CFAP92: variants seen among roughly 807,000 people sequenced by gnomAD.
The protein encoded by CFAP92 is cilia and flagella associated protein 92 (putative).
CFAP92 carries 86 observed loss-of-function variants against 106.3 expected under a neutral mutation model. The observed-to-expected ratio is 0.81, with a 90% CI of 0.68 to 0.97. The LOEUF (loss-of-function observed/expected upper bound fraction) is 0.97. Among genes scored for constraint, CFAP92 ranks in the 50% least tolerant of loss-of-function variants. CFAP92 has a pLI of 0.00. For synonymous variants in CFAP92, 477 were observed against 506.4 expected (o/e 0.94, Z 0.78); for missense variants, 1,204 against 1,283.8 (o/e 0.94, Z 0.95).
intron 9 of CFAP92, among the ~76,000 whole-genome samples, chr3:128,962,782 C>T (rs1018409920): frequency 6.6e-6 from 1 of 152,142 alleles, no homozygotes; most frequent in Non-Finnish European, 1.5e-5. Context: ...CTCTCCTTAC[C>T]ATTCCCCCAT....
At chr3:129,012,646 C>T in the CFAP92 span, among the ~76,000 whole-genome samples, 12 of 152,294 alleles carry the variant, frequency 7.9e-5, no homozygotes, top group South Asian at 1.5e-3. Context: ...CCTGTTGGCC[C>T]GGACCAGGGC....
At chr3:128,988,555 G>C (rs1944007592) in intron 3 of CFAP92, among the ~76,000 whole-genome samples, 173 bp downstream of exon 3, 1 of 151,836 alleles carries the variant, frequency 6.6e-6, no homozygotes, top group South Asian at 2.1e-4. Flanking sequence ...AAAAAAAAAA[G>C]TCAGTAATTG....
rs1433068658 is a variant in CFAP92, at chr3:129,001,882, T to G, written n.117+692A>C. ...GCCGACTTCCGAGCGCTCTGCGCTG[T>G]GCTGGGGCTGCGCGCGGAGGGGGCC... is the stretch of plus-strand genomic sequence containing the variant. On this transcript the variant is annotated intron_variant and non_coding_transcript_variant, in intron 1 of 4. Transcript: ENST00000510149. The G allele has an allele frequency of 1.9e-6, 3 of 1,540,690 alleles. No individual in the cohort carries two copies. The East Asian group carries it at 7.5e-5, about 38-fold the overall frequency.
intron 8 of CFAP92, chr3:128,966,568 CTTTTTT>C (rs1197235481): frequency 2.4e-5 from 3 of 126,686 alleles, no homozygotes; most frequent in South Asian, 2.5e-4. Flanking sequence ...AATGCTTTTT[CTTTTTT>C]TTTTTTTTTT....
intron 9 of CFAP92, among the ~76,000 whole-genome samples, chr3:128,961,085 C>G (rs542377254): frequency 6.6e-6 from 1 of 152,304 alleles, no homozygotes; most frequent in East Asian, 1.9e-4. Flanking sequence ...ACCTAAATGC[C>G]TTATTTTCTT....
chr3:128,999,612 T>C (rs1944621383), intron 1 of CFAP92, among the ~76,000 whole-genome samples: 1 of 148,558 alleles, frequency 6.7e-6, no homozygotes, highest in Non-Finnish European at 1.5e-5. Context: ...GATCTCAGCT[T>C]ACTGCAACCT....
At chr3:128,972,952 C>A (rs1942908574) in intron 7 of CFAP92, among the ~76,000 whole-genome samples, 1 of 151,898 alleles carries the variant, frequency 6.6e-6, no homozygotes, top group South Asian at 2.1e-4. Flanking sequence ...CTCAGTCTTG[C>A]AAGTAGCTTG....
intron 12 of CFAP92, among the ~76,000 whole-genome samples, chr3:128,924,751 G>A (rs1937545672): frequency 6.6e-6 from 1 of 152,074 alleles, no homozygotes; most frequent in South Asian, 2.1e-4. Context: ...CCGACCGATT[G>A]TATCTTAAAC....
intron 9 of CFAP92, among the ~76,000 whole-genome samples, chr3:128,950,138 G>A (rs1940638476): frequency 6.6e-6 from 1 of 152,246 alleles, no homozygotes; most frequent in African/African-American, 2.4e-5. Flanking sequence ...CAAATAGGGA[G>A]ATTAGGTGAC....
chr3:128,965,417 T>A, intron 9 of CFAP92, 94 bp downstream of exon 9: 1 of 398,018 alleles, frequency 2.5e-6, no homozygotes, highest in Non-Finnish European at 4.4e-6. Flanking sequence ...ACATTTCTCA[T>A]GTGGGGCCAT....
intron 12 of CFAP92, among the ~76,000 whole-genome samples, chr3:128,923,910 C>A (rs530430918): frequency 6.6e-6 from 1 of 152,156 alleles, no homozygotes. Context: ...ATATTTTGAA[C>A]AAGACAGCCA....
intron 12 of CFAP92, among the ~76,000 whole-genome samples, chr3:128,919,454 A>G (rs1937090140): frequency 6.6e-6 from 1 of 152,228 alleles, no homozygotes; most frequent in South Asian, 2.1e-4. Flanking sequence ...TATATTGAGG[A>G]CAACAAAAAG....
At chr3:128,914,960 CTCT>C in intron 15 of CFAP92, 156 bp downstream of exon 15, 2 of 694,492 alleles carry the variant, frequency 2.9e-6, no homozygotes, top group Non-Finnish European at 4.6e-6. Context: ...AGCATTCAAT[CTCT>C]TTTTTCAGAC....
chr3:129,020,798 G>A, the CFAP92 span, among the ~76,000 whole-genome samples: 1 of 152,188 alleles, frequency 6.6e-6, no homozygotes, highest in Non-Finnish European at 1.5e-5. Flanking sequence ...GAGGGAGCCA[G>A]GAAGGTTACA....
chr3:128,990,675 C>T (rs1307774659), intron 2 of CFAP92, among the ~76,000 whole-genome samples: 2 of 151,594 alleles, frequency 1.3e-5, no homozygotes, highest in Non-Finnish European at 2.9e-5. Flanking sequence ...GCGGGTGGAT[C>T]ACCTAAGGTC....
intron 7 of CFAP92, 29 bp from the exon 8 acceptor site, chr3:128,971,462 T>C: frequency 4.6e-6 from 7 of 1,535,206 alleles, no homozygotes; most frequent in Non-Finnish European, 6.2e-6. Flanking sequence ...GAGATGAGCA[T>C]TAAGAGGAGA....
chr3:128,970,391 T>C (rs1200749020), intron 8 of CFAP92: 1 of 152,108 alleles, frequency 6.6e-6, no homozygotes, highest in Non-Finnish European at 1.5e-5. Context: ...CCCTTCTCTA[T>C]GAATGCTGGT....
At chr3:128,941,024 A>G (rs955924992) in intron 10 of CFAP92, among the ~76,000 whole-genome samples, 1 of 152,190 alleles carries the variant, frequency 6.6e-6, no homozygotes, top group African/African-American at 2.4e-5. Flanking sequence ...AGCCTTTAGA[A>G]TATTGAGTCT....
chr3:128,919,826 G>T (rs2107683510), intron 12 of CFAP92, among the ~76,000 whole-genome samples: 1 of 152,332 alleles, frequency 6.6e-6, no homozygotes, highest in Non-Finnish European at 1.5e-5. Context: ...TGCCAAGGAG[G>T]AAGGGCCCTG....
Sources: allele counts gnomAD v4.1 joint callset (sites outside exome capture counted in the v4.1 genomes callset), GRCh38; gene constraint gnomAD v4.1.1; transcripts MANE v1.5; gene names NCBI Gene and HGNC (gene_info 2026-07-23, HGNC 2026-07-21).